Variants in OR8B2 observed in about 807,000 individuals in gnomAD.
The protein encoded by OR8B2 is olfactory receptor 8B2.
For missense variants in OR8B2, 304 were observed against 379.6 expected (o/e 0.80, Z 1.65); for synonymous variants, 98 against 138.2 (o/e 0.71, Z 2.04).
chr11:124,387,991 A>G (rs1265758326), upstream of OR8B2, among the ~76,000 whole-genome samples: 1 of 151,680 alleles, frequency 6.6e-6, no homozygotes, highest in Non-Finnish European at 1.5e-5. Flanking sequence ...TGTAAGGTGG[A>G]TTCCTAGGTA....
chr11:124,396,229 G>T, the OR8B2 span: 1 of 587,138 alleles, frequency 1.7e-6, no homozygotes, highest in Non-Finnish European at 2.9e-6. Flanking sequence ...TAGTAAAATT[G>T]TGAGAAGTGC....
chr11:124,386,265 T>G (rs569331579), upstream of OR8B2, among the ~76,000 whole-genome samples: 151 of 151,970 alleles, frequency 9.9e-4, no homozygotes, highest in Middle Eastern at 3.4e-3. Context: ...TTTTATTTTA[T>G]TATTATTATA....
the OR8B2 span, among the ~76,000 whole-genome samples, chr11:124,390,131 G>A: frequency 6.6e-6 from 1 of 152,046 alleles, no homozygotes; most frequent in African/African-American, 2.4e-5. Flanking sequence ...GAGACTGCTG[G>A]GACTAACAAG....
chr11:124,394,825 T>G, the OR8B2 span, among the ~76,000 whole-genome samples: 772 of 152,250 alleles, frequency 5.1e-3, 5 homozygotes, highest in African/African-American at 0.017. Context: ...ACCCCAAATT[T>G]GTTCAGATAT....
the OR8B2 span, chr11:124,396,548 C>A: frequency 1.7e-5 from 28 of 1,613,738 alleles, no homozygotes; most frequent in East Asian, 4.2e-4. Context: ...CTTTTCCCTG[C>A]TCCATAGATC....
upstream of OR8B2, among the ~76,000 whole-genome samples, chr11:124,387,802 G>A (rs10431046): frequency 0.025 from 3,155 of 125,154 alleles, 38 homozygotes; most frequent in African/African-American, 0.079. Flanking sequence ...GAAGAAAGTC[G>A]TTGGTAGCTT....
chr11:124,390,259 G>C, the OR8B2 span, among the ~76,000 whole-genome samples: 1 of 152,146 alleles, frequency 6.6e-6, no homozygotes, highest in Admixed American at 6.6e-5. Flanking sequence ...GGAACAGCTG[G>C]TAAGGGAGTG....
chr11:124,393,996 A>G, the OR8B2 span, among the ~76,000 whole-genome samples: 73 of 151,024 alleles, frequency 4.8e-4, no homozygotes, highest in African/African-American at 1.7e-3. Flanking sequence ...TCAGTAAACT[A>G]TCGCAAGAAC....
chr11:124,389,153 A>T (rs1203000122), upstream of OR8B2, among the ~76,000 whole-genome samples: 1 of 151,850 alleles, frequency 6.6e-6, no homozygotes, highest in East Asian at 1.9e-4. Flanking sequence ...CTCTCATATC[A>T]CCCTTATGAT....
the OR8B2 span, chr11:124,396,820 A>C: frequency 1.2e-6 from 2 of 1,611,350 alleles, no homozygotes; most frequent in Non-Finnish European, 1.7e-6. Flanking sequence ...ATGTCACACA[A>C]GTAATGGTTG....
the OR8B2 span, chr11:124,397,211 A>G: frequency 1.2e-6 from 2 of 1,610,664 alleles, no homozygotes; most frequent in Admixed American, 3.3e-5. Flanking sequence ...GACCGAAAAG[A>G]ATGATCAAGC....
At chr11:124,389,720 A>T in the OR8B2 span, among the ~76,000 whole-genome samples, 3 of 152,202 alleles carry the variant, frequency 2.0e-5, no homozygotes, top group African/African-American at 4.8e-5. Context: ...CAGCTCTGAC[A>T]CGAGGGTTTG....
upstream of OR8B2, among the ~76,000 whole-genome samples, chr11:124,389,412 C>G (rs1286832973): frequency 1.3e-5 from 2 of 152,092 alleles, no homozygotes; most frequent in Non-Finnish European, 2.9e-5. Flanking sequence ...AATAAGACAG[C>G]TTACACCAAA....
the OR8B2 span, among the ~76,000 whole-genome samples, chr11:124,394,979 ATTGT>A: frequency 6.6e-6 from 1 of 152,240 alleles, no homozygotes; most frequent in East Asian, 1.9e-4. Flanking sequence ...AAGCAGGAAG[ATTGT>A]TTGAGGCCAG....
At chr11:124,384,101 AC>A (rs1860655087) in intron 1 of OR8B2, among the ~76,000 whole-genome samples, 1 of 152,114 alleles carries the variant, frequency 6.6e-6, no homozygotes. Flanking sequence ...TGACCCTTAA[AC>A]TCTTCTATAT....
chr11:124,395,239 A>T, the OR8B2 span, among the ~76,000 whole-genome samples: 1 of 152,108 alleles, frequency 6.6e-6, no homozygotes, highest in African/African-American at 2.4e-5. Flanking sequence ...ATTCCTGCCT[A>T]GGTGACAGAG....
the OR8B2 span, among the ~76,000 whole-genome samples, chr11:124,390,795 G>A: frequency 6.6e-6 from 1 of 151,096 alleles, no homozygotes; most frequent in Non-Finnish European, 1.5e-5. Flanking sequence ...GTGCTTTATA[G>A]AATAATGCTA....
At chr11:124,396,530 A>C in the OR8B2 span, 4 of 1,614,098 alleles carry the variant, frequency 2.5e-6, no homozygotes, top group Non-Finnish European at 3.4e-6. Context: ...TGTAGAAAAC[A>C]GAAGAAACTT....
chr11:124,383,125 G>A lies in OR8B2; in HGVS notation c.219C>T (p.Tyr73=), dbSNP rs1860630236. ...GCATTTTGGGAGTGAAAACAGAGGA[G>A]TAACAGAGATCAATGAAGGAGAGAT... ...LFNLSFIDLC[Y]SSVFTPKMLM... is the part of the protein sequence containing the mutation. Residue 73 remains tyrosine (Y), a synonymous_variant, in exon 2 of 2, where the codon TAC becomes TAT. Coordinates refer to ENST00000641451, the MANE Select transcript of OR8B2 (RefSeq NM_001005468.2). The A allele has an allele frequency of 6.2e-7, 1 of 1,613,758 alleles. No individual in the cohort carries two copies. Among genetic ancestry groups the A allele is most frequent in the Non-Finnish European group, 8.5e-7 (1 of 1,179,826 alleles).
Sources: allele counts gnomAD v4.1 joint callset (sites outside exome capture counted in the v4.1 genomes callset), GRCh38; gene constraint gnomAD v4.1.1; transcripts MANE v1.5; gene names NCBI Gene and HGNC (gene_info 2026-07-23, HGNC 2026-07-21).